KIAA0825: variants seen among roughly 807,000 people sequenced by gnomAD.
KIAA0825 encodes KIAA0825.
In KIAA0825, 119 loss-of-function variants were observed where a neutral mutation model predicts 147.6. The ratio of observed to expected loss-of-function variants is 0.81; its 90% CI spans 0.69 to 0.94. The LOEUF (loss-of-function observed/expected upper bound fraction) is 0.94. Among genes scored for constraint, KIAA0825 ranks in the 40% least tolerant of loss-of-function variants. The pLI is 0.00. For synonymous variants in KIAA0825, 470 were observed against 518.1 expected (o/e 0.91, Z 1.26); for missense variants, 1,381 against 1,472.7 (o/e 0.94, Z 1.02).
intron 12 of KIAA0825, among the ~76,000 whole-genome samples, chr5:94,457,741 G>A: frequency 6.6e-6 from 1 of 152,198 alleles, no homozygotes; most frequent in Non-Finnish European, 1.5e-5. Context: ...AACAACTGAT[G>A]AGCTAAAAAG....
chr5:94,206,844 T>C (rs1332207268), intron 20 of KIAA0825, among the ~76,000 whole-genome samples: 1 of 152,142 alleles, frequency 6.6e-6, no homozygotes, highest in African/African-American at 2.4e-5. Context: ...CACCCTCAAG[T>C]GACATAAGAT....
At chr5:94,170,242 T>A (rs1018444767) in intron 20 of KIAA0825, among the ~76,000 whole-genome samples, 1 of 151,982 alleles carries the variant, frequency 6.6e-6, no homozygotes, top group Admixed American at 6.6e-5. Flanking sequence ...GAGCTTGCAG[T>A]GAGCCAAGAT....
chr5:94,480,176 G>C (rs1366739671), intron 6 of KIAA0825, among the ~76,000 whole-genome samples: 1 of 151,896 alleles, frequency 6.6e-6, no homozygotes, highest in Non-Finnish European at 1.5e-5. Flanking sequence ...AATGAAGAGA[G>C]AAAAAAATCC....
Position 94,572,129 on chromosome 5 carries a change from C to A in KIAA0825, c.-2+10304G>T, listed in dbSNP as rs575056919. 4.0e-5 allele frequency among the ~76,000 whole-genome samples: 6 copies of A among 148,484 alleles called. No individual in the cohort carries two copies. The South Asian group carries it at 1.3e-3, about 31-fold the overall frequency. The stretch of plus-strand genomic sequence containing the variant: ...AAAAAAAAAAAGCCCCACAAAAAAA[C>A]CAAGTTTGGACTATATTCACTCTAT... On this transcript the variant is annotated intron_variant, in intron 2 of 20. Transcript: ENST00000682413.
At chr5:94,223,155 T>A (rs939740980) in intron 20 of KIAA0825, among the ~76,000 whole-genome samples, 4 of 152,198 alleles carry the variant, frequency 2.6e-5, no homozygotes, top group African/African-American at 2.4e-5. Context: ...GCTTTACCTT[T>A]TTGTTGTTGC....
At chr5:94,617,854 G>A (rs1344853789) in intron 1 of KIAA0825, 1 of 152,196 alleles carries the variant, frequency 6.6e-6, no homozygotes, top group African/African-American at 2.4e-5. Flanking sequence ...GCCTGGAGCA[G>A]AACGCAAGCA....
At chr5:94,384,669 T>C (rs396233) in intron 19 of KIAA0825, among the ~76,000 whole-genome samples, 15,886 of 152,254 alleles carry the variant, frequency 0.1, 1,073 homozygotes, top group East Asian at 0.17. Context: ...GGGGATGTAG[T>C]CATTATTTAT....
In KIAA0825 at chr5:94,296,306, G is replaced by A. The variant is rs529832305; in HGVS notation, c.3710+88062C>T. 3.3e-5 allele frequency among the ~76,000 whole-genome samples: 5 copies of A among 152,274 alleles called. No individual in the cohort carries two copies. The South Asian group carries it at 1.0e-3, about 32-fold the overall frequency. On this transcript the variant is annotated intron_variant, in intron 20 of 20. Transcript: ENST00000682413. Reference sequence around the variant, plus strand: ...GACTTCATACTGCTGTGCTGGCAGTGAGAATTTCAAGCCAGTGGATCTTAG... The same window carrying A: ...GACTTCATACTGCTGTGCTGGCAGTAAGAATTTCAAGCCAGTGGATCTTAG...
At chr5:94,518,597 CT>C (rs770332625) in intron 5 of KIAA0825, among the ~76,000 whole-genome samples, 27 of 152,104 alleles carry the variant, frequency 1.8e-4, no homozygotes, top group Non-Finnish European at 1.3e-4. Flanking sequence ...GCAAGTTAAT[CT>C]TTCTAAGTTT....
intron 20 of KIAA0825, among the ~76,000 whole-genome samples, chr5:94,181,731 T>C (rs985398791): frequency 4.6e-5 from 7 of 152,182 alleles, no homozygotes; most frequent in African/African-American, 1.7e-4. Context: ...TTCTAAAAAC[T>C]TAGTCCACAG....
intron 20 of KIAA0825, among the ~76,000 whole-genome samples, chr5:94,289,382 A>G (rs1259363779): frequency 6.6e-6 from 1 of 151,964 alleles, no homozygotes; most frequent in Non-Finnish European, 1.5e-5. Context: ...TAAAAATACA[A>G]TAATTAACCG....
chr5:94,411,054 GACA>G (rs142065590), intron 15 of KIAA0825, among the ~76,000 whole-genome samples: 114 of 152,148 alleles, frequency 7.5e-4, no homozygotes, highest in Non-Finnish European at 1.4e-3. Flanking sequence ...TAAAATGTAT[GACA>G]ACAATAGAAT....
chr5:94,597,963 T>C (rs1052465350), intron 1 of KIAA0825, among the ~76,000 whole-genome samples: 4 of 152,132 alleles, frequency 2.6e-5, no homozygotes, highest in African/African-American at 7.2e-5. Flanking sequence ...GACTGGAAGT[T>C]GCTTTGGGTG....
intron 20 of KIAA0825, among the ~76,000 whole-genome samples, chr5:94,316,754 T>G (rs1444307475): frequency 6.6e-6 from 1 of 151,828 alleles, no homozygotes; most frequent in Non-Finnish European, 1.5e-5. Flanking sequence ...TCAGAGTGAT[T>G]AAATGCAATT....
chr5:94,244,773 G>C (rs1406652081), intron 20 of KIAA0825, among the ~76,000 whole-genome samples: 2 of 151,980 alleles, frequency 1.3e-5, no homozygotes, highest in Non-Finnish European at 2.9e-5. Flanking sequence ...GTAACCTTTA[G>C]GTACCTTACC....
intron 20 of KIAA0825, among the ~76,000 whole-genome samples, chr5:94,278,559 T>C (rs1777321062): frequency 6.6e-6 from 1 of 152,150 alleles, no homozygotes; most frequent in Non-Finnish European, 1.5e-5. Context: ...GGATTGACAC[T>C]AAGTTGTATT....
rs1042645368 is a variant in KIAA0825, at chr5:94,283,784, C to T, written c.3710+100584G>A. Among the ~76,000 whole-genome samples the T allele has an allele frequency of 1.1e-4, 17 of 152,194 alleles. No homozygotes were observed. The South Asian group carries it at 3.3e-3, about 30-fold the overall frequency. ...ACCTCATGTATAGCTTATGACTTTG[C>T]AAGCTCAACACATCTTTTTGATGTC... On this transcript the variant is annotated intron_variant, in intron 20 of 20. Transcript: ENST00000682413.
intron 5 of KIAA0825, among the ~76,000 whole-genome samples, chr5:94,492,384 C>T (rs891837326): frequency 6.6e-6 from 1 of 152,224 alleles, no homozygotes; most frequent in Admixed American, 6.5e-5. Flanking sequence ...ATTTTAGTCT[C>T]ATCTCCTCTG....
chr5:94,349,498 A>G (rs1449984669), intron 20 of KIAA0825, among the ~76,000 whole-genome samples: 3 of 152,218 alleles, frequency 2.0e-5, no homozygotes, highest in Non-Finnish European at 1.5e-5. Flanking sequence ...TCAACAGTAC[A>G]TGGAACTTTC....
Sources: gnomAD v4.1 joint callset for allele counts (sites outside exome capture counted in the v4.1 genomes callset) on GRCh38, gnomAD v4.1.1 for gene constraint, MANE v1.5 for transcripts, NCBI Gene and HGNC (gene_info 2026-07-23, HGNC 2026-07-21) for gene names.